CSNK2A2IP: variants seen among roughly 807,000 people sequenced by gnomAD.
The protein encoded by CSNK2A2IP is casein kinase II subunit alpha'-interacting protein.
the CSNK2A2IP span, among the ~76,000 whole-genome samples, chr3:88,407,273 T>G: frequency 2.0e-4 from 3 of 14,676 alleles, no homozygotes; most frequent in South Asian, 1.7e-3. Context: ...TAGAAAGAAA[T>G]AAAATCTTCA....
the CSNK2A2IP span, among the ~76,000 whole-genome samples, chr3:88,349,309 C>T: frequency 1.1e-3 from 168 of 151,990 alleles, 2 homozygotes; most frequent in Admixed American, 2.5e-3. Flanking sequence ...CCTGAGTCTC[C>T]ACAGTCCACT....
chr3:88,465,669 C>T, the CSNK2A2IP span: 20 of 1,231,648 alleles, frequency 1.6e-5, no homozygotes, highest in South Asian at 4.1e-5. Flanking sequence ...CTTCAATAGG[C>T]CTCCACTGGA....
the CSNK2A2IP span, among the ~76,000 whole-genome samples, chr3:88,396,782 G>A: frequency 1.3e-5 from 2 of 152,198 alleles, no homozygotes; most frequent in Admixed American, 1.3e-4. Flanking sequence ...GATCAGTATG[G>A]CTGCCATGTG....
At chr3:88,430,719 C>G in the CSNK2A2IP span, among the ~76,000 whole-genome samples, 2 of 151,968 alleles carry the variant, frequency 1.3e-5, no homozygotes, top group African/African-American at 4.8e-5. Flanking sequence ...AAGAGTCAAT[C>G]TAATGCAAAG....
chr3:88,362,822 T>G, the CSNK2A2IP span, among the ~76,000 whole-genome samples: 1 of 152,208 alleles, frequency 6.6e-6, no homozygotes, highest in Non-Finnish European at 1.5e-5. Context: ...GTGGCTGAGC[T>G]GGCATCAAAG....
chr3:88,371,540 G>A, the CSNK2A2IP span, among the ~76,000 whole-genome samples: 1 of 151,732 alleles, frequency 6.6e-6, no homozygotes, highest in East Asian at 1.9e-4. Context: ...AATGAACAAA[G>A]CTTCCTCAGA....
chr3:88,416,758 A>G, the CSNK2A2IP span, among the ~76,000 whole-genome samples: 2 of 152,198 alleles, frequency 1.3e-5, no homozygotes, highest in Non-Finnish European at 2.9e-5. Flanking sequence ...TTTTCAAGAA[A>G]TATTCCTGAA....
the CSNK2A2IP span, among the ~76,000 whole-genome samples, chr3:88,355,746 T>A: frequency 6.6e-6 from 1 of 152,174 alleles, no homozygotes; most frequent in Non-Finnish European, 1.5e-5. Flanking sequence ...ACATACTTTT[T>A]ATGACTAGAA....
At chr3:88,457,276 A>T in the CSNK2A2IP span, among the ~76,000 whole-genome samples, 3 of 152,200 alleles carry the variant, frequency 2.0e-5, no homozygotes, top group Non-Finnish European at 2.9e-5. Context: ...TCCTATGAAA[A>T]GACTGGGTTT....
the CSNK2A2IP span, among the ~76,000 whole-genome samples, chr3:88,365,519 G>A: frequency 2.6e-5 from 4 of 152,116 alleles, no homozygotes; most frequent in Non-Finnish European, 5.9e-5. Context: ...TCCTCAGCCT[G>A]CCATCAGAAA....
the CSNK2A2IP span, among the ~76,000 whole-genome samples, chr3:88,364,864 A>G: frequency 2.6e-5 from 4 of 152,226 alleles, no homozygotes; most frequent in Non-Finnish European, 5.9e-5. Context: ...ATTTAGGAAT[A>G]AATGAGTGAA....
chr3:88,420,694 A>G, the CSNK2A2IP span, among the ~76,000 whole-genome samples: 1 of 152,166 alleles, frequency 6.6e-6, no homozygotes, highest in Non-Finnish European at 1.5e-5. Context: ...CATTCAAATT[A>G]TATTCAGGGC....
the CSNK2A2IP span, among the ~76,000 whole-genome samples, chr3:88,368,691 C>G: frequency 6.6e-6 from 1 of 152,002 alleles, no homozygotes; most frequent in South Asian, 2.1e-4. Context: ...ATTGTTTGAT[C>G]CCATGATTCG....
At chr3:88,374,762 G>C in the CSNK2A2IP span, among the ~76,000 whole-genome samples, 1 of 151,506 alleles carries the variant, frequency 6.6e-6, no homozygotes, top group Non-Finnish European at 1.5e-5. Flanking sequence ...CTGACTTTAG[G>C]CTTCTAAAAC....
chr3:88,434,059 C>T, the CSNK2A2IP span, among the ~76,000 whole-genome samples: 4 of 151,914 alleles, frequency 2.6e-5, no homozygotes, highest in Non-Finnish European at 4.4e-5. Context: ...TCAACAGGAA[C>T]AAAATTTAGA....
chr3:88,338,952 G>A, the CSNK2A2IP span, among the ~76,000 whole-genome samples: 1 of 151,932 alleles, frequency 6.6e-6, no homozygotes, highest in Non-Finnish European at 1.5e-5. Context: ...ATAGTTGTCT[G>A]TATGTATGCG....
chr3:88,443,779 T>A, the CSNK2A2IP span, among the ~76,000 whole-genome samples: 1 of 152,174 alleles, frequency 6.6e-6, no homozygotes, highest in Admixed American at 6.5e-5. Context: ...GAGGAATTAA[T>A]GCACATAGCA....
At chr3:88,406,408 A>G in the CSNK2A2IP span, among the ~76,000 whole-genome samples, 1 of 152,194 alleles carries the variant, frequency 6.6e-6, no homozygotes, top group Non-Finnish European at 1.5e-5. Context: ...TTTAAATGTT[A>G]TCTATAAAAG....
chr3:88,459,234 TCTC>T, the CSNK2A2IP span, among the ~76,000 whole-genome samples: 1,317 of 152,200 alleles, frequency 8.7e-3, 15 homozygotes, highest in African/African-American at 0.03. Context: ...ATTTATCTCT[TCTC>T]CTCAAAACTT....
Sources: allele counts gnomAD v4.1 joint callset (sites outside exome capture counted in the v4.1 genomes callset), GRCh38; gene constraint gnomAD v4.1.1; transcripts MANE v1.5; gene names NCBI Gene and HGNC (gene_info 2026-07-23, HGNC 2026-07-21).